The following COL20A1 variants were observed in gnomAD, a reference collection of about 807,000 sequenced individuals.
COL20A1 encodes collagen alpha-1(XX) chain.
COL20A1 carries 164 observed loss-of-function variants against 152.9 expected under a neutral mutation model. The ratio of observed to expected loss-of-function variants is 1.07; its 90% CI spans 0.94 to 1.22. The LOEUF is 1.22. COL20A1 is among the 50% of genes most tolerant of loss of function. The pLI, the probability that COL20A1 is intolerant of heterozygous loss-of-function variation, is 0.00. For synonymous variants in COL20A1, 864 were observed against 756.0 expected, an observed-to-expected ratio of 1.14 and a Z score of -2.34; for missense variants, 1,873 against 1,744.8, an observed-to-expected ratio of 1.07 and a Z score of -1.31.
In COL20A1 at chr20:63,333,651, G is replaced by C. The variant is rs1295563590; in HGVS notation, c.*2935G>C. On this transcript the variant is annotated 3_prime_UTR_variant, in exon 36 of 36. Transcript: ENST00000358894. ...GAGGGAGGGGTGGGCACAGCGCCCAGGAAGGCGGGTGCGTGCAGGCCTGGG... is the reference window on the plus strand; with the variant it reads ...GAGGGAGGGGTGGGCACAGCGCCCACGAAGGCGGGTGCGTGCAGGCCTGGG... 6.6e-6 allele frequency: 1 copy of C among 152,354 alleles called. No homozygotes were observed. 9.4% of individuals were successfully genotyped at this position (152,354 alleles called of 1,614,324 possible).
At chr20:63,304,271 G>A (rs1449310493) in intron 3 of COL20A1, among the ~76,000 whole-genome samples, 268 of 103,776 alleles carry the variant, frequency 2.6e-3, no homozygotes, top group Non-Finnish European at 3.9e-3. Context: ...AGGTGCGCAG[G>A]TGTGGGTTCC....
intron 3 of COL20A1, among the ~76,000 whole-genome samples, chr20:63,300,406 T>A (rs1568764259): frequency 1.3e-5 from 2 of 152,210 alleles, no homozygotes; most frequent in South Asian, 4.1e-4. Flanking sequence ...GACATAGGAC[T>A]ACTCAGATTT....
chr20:63,320,509 C>A, intron 25 of COL20A1, 141 bp downstream of exon 25: 2 of 833,926 alleles, frequency 2.4e-6, no homozygotes, highest in Non-Finnish European at 3.9e-6. Flanking sequence ...GAGGAGGCAG[C>A]CTCAGGGCCA....
chr20:63,330,030 C>T (rs1041283722), intron 35 of COL20A1, among the ~76,000 whole-genome samples: 2 of 152,034 alleles, frequency 1.3e-5, no homozygotes, highest in African/African-American at 4.8e-5. Flanking sequence ...GGTGTTTGCT[C>T]AGTGGGCACC....
intron 10 of COL20A1, 79 bp from the exon 11 acceptor site, chr20:63,310,302 C>A: frequency 4.0e-6 from 6 of 1,517,300 alleles, no homozygotes; most frequent in Non-Finnish European, 5.4e-6. Context: ...GCTCACACTC[C>A]AGCTGACGGA....
chr20:63,299,644 A>ATGG (rs1406512918), intron 3 of COL20A1, among the ~76,000 whole-genome samples: 1 of 152,080 alleles, frequency 6.6e-6, no homozygotes. Flanking sequence ...TTCCAGATAG[A>ATGG]TGGACCTTAT....
intron 31 of COL20A1, chr20:63,327,585 G>A (rs574653770): frequency 1.4e-4 from 37 of 259,804 alleles, no homozygotes; most frequent in African/African-American, 5.5e-4. Context: ...GACAGAAGAC[G>A]GCAGGGAAGT....
intron 19 of COL20A1, 92 bp from the exon 20 acceptor site, chr20:63,315,312 C>T: frequency 2.5e-6 from 3 of 1,220,504 alleles, no homozygotes; most frequent in Middle Eastern, 1.9e-4. Context: ...CAGGCTGGGG[C>T]ATCGTCCATG....
In COL20A1 at chr20:63,311,333, C is replaced by T. The variant is rs1480256452; in HGVS notation, c.1394-61C>T. On this transcript the variant is annotated intron_variant, in intron 11 of 35. Coordinates refer to ENST00000358894, the MANE Select transcript of COL20A1 (RefSeq NM_020882.4). The surrounding 1 kb of genome is among the most constrained non-coding windows in gnomAD (Gnocchi z 4.4). ...CACCCACTCTGGTGTGAGGGTGCCCCGTGCGTGGGTGTGATCTCTGTGTGG... is the reference window on the plus strand; with the variant it reads ...CACCCACTCTGGTGTGAGGGTGCCCTGTGCGTGGGTGTGATCTCTGTGTGG... 19 of 1,479,296 alleles carry T rather than the reference C, an allele frequency of 1.3e-5. No homozygotes were observed. Among genetic ancestry groups the T allele is most frequent in the South Asian group, 6.5e-5 (5 of 76,628 alleles). 91.6% of individuals were successfully genotyped at this position (1,479,296 alleles called of 1,614,324 possible). A position where few individuals can be genotyped will look rare whatever the true frequency, so the allele number is the denominator to read the frequency against.
Position 63,319,985 on chromosome 20 carries a change from A to T in COL20A1, c.2917-54A>T. On this transcript the variant is annotated intron_variant, in intron 23 of 35. Transcript: ENST00000358894. The surrounding 1 kb of genome is among the most constrained non-coding windows in gnomAD (Gnocchi z 4.4). Reference sequence around the variant, plus strand: ...AGCCCTGGCCTGGCCTTGGGGGCTCAGGTGGGCACCGGCCCCGCCTGGGCT... The same window carrying T: ...AGCCCTGGCCTGGCCTTGGGGGCTCTGGTGGGCACCGGCCCCGCCTGGGCT... 1 of 1,528,630 alleles carries T rather than the reference A, an allele frequency of 6.5e-7. No homozygotes were observed. The highest frequency in any genetic ancestry group is 1.2e-5 in the South Asian group (1 of 83,046). 94.7% of individuals were successfully genotyped at this position (1,528,630 alleles called of 1,614,324 possible).
intron 11 of COL20A1, among the ~76,000 whole-genome samples, chr20:63,310,822 G>C (rs1004795787): frequency 6.6e-6 from 1 of 152,036 alleles, no homozygotes; most frequent in Non-Finnish European, 1.5e-5. Flanking sequence ...GGCTTAGCTC[G>C]CTGGGTTCTT....
chr20:63,295,540 C>T (rs2067779278), intron 2 of COL20A1, among the ~76,000 whole-genome samples: 1 of 152,200 alleles, frequency 6.6e-6, no homozygotes, highest in Admixed American at 6.5e-5. Flanking sequence ...ACCGCCGCCT[C>T]CCACTGGTGT....
intron 3 of COL20A1, among the ~76,000 whole-genome samples, chr20:63,301,406 T>G (rs1389012872): frequency 6.6e-6 from 1 of 152,272 alleles, no homozygotes; most frequent in African/African-American, 2.4e-5. Flanking sequence ...TTGCAGTTGT[T>G]GGGTAGAGTT....
chr20:63,325,707 C>T lies in COL20A1; in HGVS notation c.3388C>T (p.Leu1130Phe). 6.2e-7 allele frequency: 1 copy of T among 1,611,994 alleles called. No homozygotes were observed. The highest frequency in any genetic ancestry group is 8.5e-7 in the Non-Finnish European group (1 of 1,179,558). ...GHQGIPGRVGLQGPKGMRGLE... is the reference protein window; with the variant it reads ...GHQGIPGRVGFQGPKGMRGLE... ...CCAGGGCATCCCCGGGAGAGTTGGC[C>T]TCCAGGGACCAAAGGTGCCGGCTCT... The change falls in exon 29 of 36, where the codon CTC (leucine) becomes TTC (phenylalanine). Residue 1130 changes from leucine to phenylalanine, a missense_variant. Physicochemically the swap from Leu to Phe is conservative, Grantham distance 22. Transcript: ENST00000358894.
chr20:63,312,785 C>A lies in COL20A1; in HGVS notation c.1934-7C>A. 1 of 1,542,282 alleles carries A rather than the reference C, an allele frequency of 6.5e-7. No individual in the cohort carries two copies. Among genetic ancestry groups the A allele is most frequent in the Non-Finnish European group, 8.8e-7 (1 of 1,138,266 alleles). On this transcript the variant is annotated splice_polypyrimidine_tract_variant and splice_region_variant and intron_variant, in intron 15 of 35. Transcript: ENST00000358894. The stretch of plus-strand genomic sequence containing the variant: ...ACACCCCCAGCCTGTGTCTCCACTT[C>A]CTTCAGAGAAAGCTCCCAGCCCAAG...
Position 63,309,918 on chromosome 20 carries a change from G to A in COL20A1, c.1263+3G>A, listed in dbSNP as rs753512685. 1.9e-6 allele frequency: 3 copies of A among 1,595,046 alleles called. No individual in the cohort carries two copies. The African/African-American group carries it at 4.0e-5, about 21-fold the overall frequency. On this transcript the variant is annotated splice_donor_region_variant and intron_variant, in intron 10 of 35. Coordinates refer to ENST00000358894, the MANE Select transcript of COL20A1 (RefSeq NM_020882.4). Reference sequence around the variant, plus strand: ...CTAGAGGTGGCACCCCCAGGGAGGTGAGGGGGCCGGTATACAGGGCTCCCC... The same window carrying A: ...CTAGAGGTGGCACCCCCAGGGAGGTAAGGGGGCCGGTATACAGGGCTCCCC...
chr20:63,308,440 C>G (rs2067958943), intron 7 of COL20A1, 102 bp from the exon 8 acceptor site: 3 of 1,191,502 alleles, frequency 2.5e-6, no homozygotes, highest in Admixed American at 2.7e-5. Context: ...TGATACCCCA[C>G]AAGGGAAGGA....
chr20:63,295,818 A>G (rs1294693186), intron 2 of COL20A1, among the ~76,000 whole-genome samples: 8 of 152,216 alleles, frequency 5.3e-5, no homozygotes, highest in African/African-American at 1.9e-4. Flanking sequence ...AGGAAGGTGA[A>G]TTTCCGTGTC....
chr20:63,301,581 T>C (rs1056596437), intron 3 of COL20A1, among the ~76,000 whole-genome samples: 8 of 152,240 alleles, frequency 5.3e-5, no homozygotes. Context: ...GCTTTATGCA[T>C]GAGGCTCTGT....
Sources: allele counts gnomAD v4.1 joint callset (sites outside exome capture counted in the v4.1 genomes callset), GRCh38; gene constraint gnomAD v4.1.1; non-coding constraint Gnocchi (gnomAD v3.1); transcripts MANE v1.5; gene names NCBI Gene and HGNC (gene_info 2026-07-23, HGNC 2026-07-21).